The following ZDHHC17 variants were observed in gnomAD, a reference collection of about 807,000 sequenced individuals.
ZDHHC17 encodes zDHHC palmitoyltransferase 17.
In ZDHHC17, 40 loss-of-function variants were observed where a neutral mutation model predicts 90.3. That is an observed-to-expected ratio of 0.44 (90% CI 0.34 to 0.58). ZDHHC17 has a LOEUF of 0.58. Among genes scored for constraint, ZDHHC17 ranks in the 20% least tolerant of loss-of-function variants. The pLI is 0.01. For missense variants in ZDHHC17, 614 were observed against 780.8 expected (o/e 0.79, Z 2.55); for synonymous variants, 235 against 252.4 (o/e 0.93, Z 0.65).
chr12:76,814,014 C>T (rs556232630), intron 5 of ZDHHC17, among the ~76,000 whole-genome samples: 2 of 152,138 alleles, frequency 1.3e-5, no homozygotes, highest in South Asian at 4.1e-4. Context: ...CGATCATCTA[C>T]TCTGCTGGGC....
chr12:76,819,493 A>G (rs1023984281), intron 7 of ZDHHC17, among the ~76,000 whole-genome samples: 2 of 152,204 alleles, frequency 1.3e-5, no homozygotes, highest in Non-Finnish European at 2.9e-5. Context: ...TATTTTTCAA[A>G]GAATATGAAA....
chr12:76,826,924 T>G lies in ZDHHC17; in HGVS notation c.914T>G (p.Val305Gly). 6.6e-7 allele frequency: 1 copy of G among 1,511,160 alleles called. No homozygotes were observed. The highest frequency in any genetic ancestry group is 8.8e-7 in the Non-Finnish European group (1 of 1,141,906). 93.6% of individuals were successfully genotyped at this position (1,511,160 alleles called of 1,614,324 possible). The change falls in exon 9 of 17, where the codon GTA becomes GGA. Residue 305 changes from valine to glycine, a missense_variant. Around this residue, in one of 5 missense-constraint regions of ZDHHC17, gnomAD observed 358 missense variants for 380.4 expected, o/e 0.94. Coordinates refer to ENST00000426126, the MANE Select transcript of ZDHHC17 (RefSeq NM_015336.4). Reference protein sequence around the residue: ...LKADKEFRQKVMLGTPFLVIW... With the variant: ...LKADKEFRQKGMLGTPFLVIW... ...TCTATACAGGAATTTCGGCAGAAAG[T>G]AATGTTAGGAACTCCTTTCCTAGTT...
intron 1 of ZDHHC17, among the ~76,000 whole-genome samples, chr12:76,792,539 C>A (rs1243684072): frequency 6.6e-6 from 1 of 152,062 alleles, no homozygotes; most frequent in East Asian, 1.9e-4. Context: ...CGCAGCTCAG[C>A]TTATCCCAGC....
chr12:76,839,066 T>G (rs865785582), intron 10 of ZDHHC17, among the ~76,000 whole-genome samples: 2 of 152,180 alleles, frequency 1.3e-5, no homozygotes, highest in South Asian at 4.1e-4. Context: ...GGAAGAAATC[T>G]CTCATTCTAC....
chr12:76,812,129 T>A (rs1953031727), intron 5 of ZDHHC17, among the ~76,000 whole-genome samples: 1 of 152,188 alleles, frequency 6.6e-6, no homozygotes, highest in Non-Finnish European at 1.5e-5. Context: ...CCAAGCATTT[T>A]ACATAAAGGA....
intron 14 of ZDHHC17, among the ~76,000 whole-genome samples, chr12:76,846,976 T>C (rs946942712): frequency 6.6e-6 from 1 of 152,240 alleles, no homozygotes; most frequent in Admixed American, 6.5e-5. Flanking sequence ...TTCCACATCA[T>C]GTGCTTGCTT....
chr12:76,789,080 A>G (rs1326370427), intron 1 of ZDHHC17, among the ~76,000 whole-genome samples: 1 of 152,168 alleles, frequency 6.6e-6, no homozygotes, highest in Non-Finnish European at 1.5e-5. Context: ...TTAATCATGT[A>G]TTGCTGTTTG....
At chr12:76,824,741 G>A (rs1483183145) in intron 8 of ZDHHC17, among the ~76,000 whole-genome samples, 1 of 151,814 alleles carries the variant, frequency 6.6e-6, no homozygotes, top group Non-Finnish European at 1.5e-5. Flanking sequence ...TAGTAGGGAG[G>A]CAGAGGCAGG....
At chr12:76,833,211 A>T (rs1204568801) in intron 10 of ZDHHC17, among the ~76,000 whole-genome samples, 1 of 152,108 alleles carries the variant, frequency 6.6e-6, no homozygotes, top group African/African-American at 2.4e-5. Context: ...AGTTTTTCAG[A>T]TATATCATTT....
In ZDHHC17 at chr12:76,852,941, ATTTGT is replaced by A. The variant is rs756145358; in HGVS notation, c.*1960_*1964del. The A allele has an allele frequency of 1.3e-5, 2 of 152,610 alleles. No homozygotes were observed. The highest frequency in any genetic ancestry group is 2.9e-5 in the Non-Finnish European group (2 of 68,022). 9.5% of individuals were successfully genotyped at this position (152,610 alleles called of 1,614,324 possible). ...TCAAAGTTATTTATAAAATGCTAGA[ATTTGT>A]TTTAATTTTTTGTATTTTGAGCCAC... On this transcript the variant is annotated 3_prime_UTR_variant, in exon 17 of 17. Transcript: ENST00000426126.
At chr12:76,849,025 C>T (rs1136295) in intron 15 of ZDHHC17, among the ~76,000 whole-genome samples, 1 of 149,608 alleles carries the variant, frequency 6.7e-6, no homozygotes, top group Non-Finnish European at 1.5e-5. Context: ...GTGGCTCACA[C>T]CTGTAATCCC....
chr12:76,786,335 G>A (rs1187443031), intron 1 of ZDHHC17, among the ~76,000 whole-genome samples: 1 of 151,982 alleles, frequency 6.6e-6, no homozygotes, highest in African/African-American at 2.4e-5. Context: ...AGGCTGTAGT[G>A]CAGTGGCACG....
At position 76,850,982 on chromosome 12, in the gene ZDHHC17, G is replaced by A; in HGVS notation, c.1896G>A (p.Val632=). ...TATCAGGATCTGGGTACCAGCTGGTGTAGCGACATCTTATCCTATGAAGCA... is the reference window on the plus strand; with the variant it reads ...TATCAGGATCTGGGTACCAGCTGGTATAGCGACATCTTATCCTATGAAGCA... ...DQISGSGYQL[V] Residue 632 remains valine (V), a synonymous_variant, in exon 17 of 17, where the codon GTG becomes GTA. Coordinates refer to ENST00000426126, the MANE Select transcript of ZDHHC17 (RefSeq NM_015336.4). 6.2e-7 allele frequency: 1 copy of A among 1,613,842 alleles called. No individual in the cohort carries two copies. Among genetic ancestry groups the A allele is most frequent in the Non-Finnish European group, 8.5e-7 (1 of 1,179,824 alleles).
intron 1 of ZDHHC17, among the ~76,000 whole-genome samples, chr12:76,775,836 T>C (rs1952552427): frequency 6.6e-6 from 1 of 152,136 alleles, no homozygotes. Flanking sequence ...ACCCTAGAAT[T>C]TTACCTCCCT....
chr12:76,784,832 C>A (rs1281514105), intron 1 of ZDHHC17, among the ~76,000 whole-genome samples: 1 of 152,176 alleles, frequency 6.6e-6, no homozygotes, highest in Admixed American at 6.5e-5. Flanking sequence ...AAAGCAATGG[C>A]TACCAGTGGT....
At chr12:76,801,487 A>C (rs1481358042) in intron 2 of ZDHHC17, among the ~76,000 whole-genome samples, 6 of 151,652 alleles carry the variant, frequency 4.0e-5, no homozygotes, top group Non-Finnish European at 8.8e-5. Flanking sequence ...CCCCGTCTCT[A>C]CTGAAAATAC....
chr12:76,834,298 G>C (rs76528076), intron 10 of ZDHHC17, among the ~76,000 whole-genome samples: 3,408 of 152,086 alleles, frequency 0.022, 65 homozygotes, highest in Middle Eastern at 0.051. Flanking sequence ...TTATTGTGTT[G>C]ACAACACTTT....
chr12:76,776,278 T>G (rs1233772495), intron 1 of ZDHHC17, among the ~76,000 whole-genome samples: 1 of 152,088 alleles, frequency 6.6e-6, no homozygotes, highest in Non-Finnish European at 1.5e-5. Context: ...CAGCATGGGT[T>G]TTTTTTAGCC....
intron 2 of ZDHHC17, among the ~76,000 whole-genome samples, chr12:76,802,054 T>C (rs1203299883): frequency 6.6e-6 from 1 of 152,212 alleles, no homozygotes; most frequent in Non-Finnish European, 1.5e-5. Flanking sequence ...GATCTTTATT[T>C]TTTCATATGC....
Sources: gnomAD v4.1 joint callset for allele counts (sites outside exome capture counted in the v4.1 genomes callset) on GRCh38, gnomAD v4.1.1 for gene constraint, gnomAD v4.1.1 regional missense constraint, MANE v1.5 for transcripts, NCBI Gene and HGNC (gene_info 2026-07-23, HGNC 2026-07-21) for gene names.